The following SLC35F3 variants were observed in gnomAD, a reference collection of about 807,000 sequenced individuals.
The protein encoded by SLC35F3 is solute carrier family 35 member F3, also known as putative thiamine transporter SLC35F3.
A neutral mutation model predicts 49.9 loss-of-function variants in SLC35F3; 25 were observed. That is an observed-to-expected ratio of 0.50 (90% CI 0.37 to 0.70). SLC35F3 has a LOEUF of 0.70. Among genes scored for constraint, SLC35F3 ranks in the 30% least tolerant of loss-of-function variants. The pLI is 0.00. For missense variants in SLC35F3, 525 were observed against 639.8 expected, an observed-to-expected ratio of 0.82 and a Z score of 1.94; for synonymous variants, 275 against 265.4, an observed-to-expected ratio of 1.04 and a Z score of -0.35.
chr1:233,910,667 T>A (rs1228727518), intron 2 of SLC35F3, among the ~76,000 whole-genome samples: 1 of 152,206 alleles, frequency 6.6e-6, no homozygotes, highest in Non-Finnish European at 1.5e-5. Context: ...AACTCTTAAA[T>A]CCTTTTCTGG....
chr1:234,123,289 C>A (rs755663215), intron 2 of SLC35F3, among the ~76,000 whole-genome samples: 5 of 152,068 alleles, frequency 3.3e-5, no homozygotes, highest in Admixed American at 2.0e-4. Flanking sequence ...CTGTTAATAT[C>A]CTTTGCCCAC....
In SLC35F3 at chr1:234,323,417, A is replaced by C. The variant is rs774085791; in HGVS notation, c.*174A>C. The C allele has an allele frequency of 1.5e-5, 9 of 605,128 alleles. No homozygotes were observed. The highest frequency in any genetic ancestry group is 2.6e-5 in the Non-Finnish European group (9 of 341,004). 37.5% of individuals were successfully genotyped at this position (605,128 alleles called of 1,614,324 possible). ...CTTTTCCACATCAGACCTTCCACTT[A>C]AGGGTACCAATTCAATACAAAAGAG... On this transcript the variant is annotated 3_prime_UTR_variant, in exon 8 of 8. Coordinates refer to ENST00000366618, the MANE Select transcript of SLC35F3 (RefSeq NM_173508.4). This position sits in a 1 kb window ranked among gnomAD's most constrained non-coding sequence, Gnocchi z 4.5.
At chr1:234,234,510 G>A (rs947592992) in intron 3 of SLC35F3, among the ~76,000 whole-genome samples, 2 of 152,088 alleles carry the variant, frequency 1.3e-5, no homozygotes, top group African/African-American at 4.8e-5. Flanking sequence ...GCTTTTCTAG[G>A]GAACTTCCAG....
intron 1 of SLC35F3, 58 bp downstream of exon 1, chr1:233,905,188 G>T (rs1408367510): frequency 6.5e-7 from 1 of 1,536,450 alleles, no homozygotes. Flanking sequence ...CGGAGCGCCG[G>T]GGTAGCCCTT....
chr1:234,018,465 G>T (rs925834925), intron 2 of SLC35F3, among the ~76,000 whole-genome samples: 6 of 152,088 alleles, frequency 3.9e-5, no homozygotes, highest in Admixed American at 2.6e-4. Context: ...CCTTCTATAT[G>T]TTCTCCTGCT....
Position 234,231,821 on chromosome 1 carries a change from GGC to G in SLC35F3, c.608+81_608+82del. On this transcript the variant is annotated intron_variant, in intron 3 of 7. Transcript: ENST00000366618. This position sits in a 1 kb window ranked among gnomAD's most constrained non-coding sequence, Gnocchi z 5.4. The stretch of plus-strand genomic sequence containing the variant: ...CTGACTCTGCAGAGCTGCCCCTGGT[GGC>G]AGGCGCTGGGATGAGCCGGTGGGAG... 7.3e-7 allele frequency: 1 copy of G among 1,378,044 alleles called. No homozygotes were observed. The highest frequency in any genetic ancestry group is 1.0e-6 in the Non-Finnish European group (1 of 999,486). 85.4% of individuals were successfully genotyped at this position (1,378,044 alleles called of 1,614,324 possible). A position where few individuals can be genotyped will look rare whatever the true frequency, so the allele number is the denominator to read the frequency against.
At chr1:233,976,445 C>T (rs1208054169) in intron 2 of SLC35F3, among the ~76,000 whole-genome samples, 2 of 152,156 alleles carry the variant, frequency 1.3e-5, no homozygotes, top group African/African-American at 4.8e-5. Flanking sequence ...AGTCAGCGTT[C>T]TGCTGTATTT....
chr1:233,992,556 G>T (rs1233680720), intron 2 of SLC35F3, among the ~76,000 whole-genome samples: 2 of 152,144 alleles, frequency 1.3e-5, no homozygotes, highest in East Asian at 3.9e-4. Context: ...GCAAAAGAGA[G>T]AACTCACTCA....
intron 2 of SLC35F3, among the ~76,000 whole-genome samples, chr1:234,154,544 C>T (rs1488613193): frequency 6.6e-6 from 1 of 152,150 alleles, no homozygotes; most frequent in Non-Finnish European, 1.5e-5. Context: ...CCTGGGATCT[C>T]TTATAATACC....
At chr1:234,230,569 G>C (rs574778528) in intron 2 of SLC35F3, among the ~76,000 whole-genome samples, 5 of 152,314 alleles carry the variant, frequency 3.3e-5, no homozygotes, top group African/African-American at 1.2e-4. Flanking sequence ...TGACTGACAC[G>C]CACACAATCA....
rs564889114 is a variant in SLC35F3, at chr1:233,985,722, A to G, written c.283+79964A>G. On this transcript the variant is annotated intron_variant, in intron 2 of 7. Coordinates refer to ENST00000366618, the MANE Select transcript of SLC35F3 (RefSeq NM_173508.4). Reference sequence around the variant, plus strand: ...CTTTATTGGAACGTTTTAAATGACCATGTTGGATAATTCTCTAAGCTAAAA... The same window carrying G: ...CTTTATTGGAACGTTTTAAATGACCGTGTTGGATAATTCTCTAAGCTAAAA... Among the ~76,000 whole-genome samples, 13 of 152,372 alleles carry G rather than the reference A, an allele frequency of 8.5e-5. No individual in the cohort carries two copies. In the East Asian group the frequency reaches 2.5e-3, roughly 29 times the overall value.
At chr1:233,939,651 C>T (rs139467600) in intron 2 of SLC35F3, among the ~76,000 whole-genome samples, 5 of 152,228 alleles carry the variant, frequency 3.3e-5, no homozygotes, top group East Asian at 3.9e-4. Context: ...TGAGAAGAGT[C>T]GTTGCTATAG....
At chr1:234,173,965 AC>A (rs976583460) in intron 2 of SLC35F3, among the ~76,000 whole-genome samples, 4 of 152,090 alleles carry the variant, frequency 2.6e-5, no homozygotes, top group African/African-American at 9.7e-5. Context: ...GCCCCACAGG[AC>A]CCCTGTGTAC....
At chr1:233,961,248 C>T (rs1662796182) in intron 2 of SLC35F3, among the ~76,000 whole-genome samples, 1 of 152,072 alleles carries the variant, frequency 6.6e-6, no homozygotes, top group African/African-American at 2.4e-5. Context: ...CCTGTGAAGG[C>T]ACTCTCTGTG....
chr1:233,912,502 C>A (rs7545718), intron 2 of SLC35F3, among the ~76,000 whole-genome samples: 58,138 of 151,846 alleles, frequency 0.38, 11,598 homozygotes, highest in East Asian at 0.53. Context: ...AAGAAACAAA[C>A]AAACAAAAAA....
chr1:234,157,638 T>G lies in SLC35F3; in HGVS notation c.284-73779T>G, dbSNP rs527365858. On this transcript the variant is annotated intron_variant, in intron 2 of 7. Coordinates refer to ENST00000366618, the MANE Select transcript of SLC35F3 (RefSeq NM_173508.4). ...GTCTTCACACGGCACTTGAGCAAGG[T>G]GGCGGGGCCCATTTCCTTTGCACAT... Among the ~76,000 whole-genome samples the G allele has an allele frequency of 2.0e-5, 3 of 152,324 alleles. No homozygotes were observed. In the East Asian group the frequency reaches 5.8e-4, roughly 29 times the overall value.
At chr1:234,220,154 G>C (rs530554016) in intron 2 of SLC35F3, among the ~76,000 whole-genome samples, 1 of 149,974 alleles carries the variant, frequency 6.7e-6, no homozygotes, top group South Asian at 2.1e-4. Flanking sequence ...CAGCAGTGGT[G>C]TTCAAACTGG....
chr1:233,933,048 A>G (rs986998131), intron 2 of SLC35F3, among the ~76,000 whole-genome samples: 1 of 151,480 alleles, frequency 6.6e-6, no homozygotes, highest in Non-Finnish European at 1.5e-5. Flanking sequence ...AAAAAAAAAA[A>G]AAAAAACTAT....
At chr1:234,144,567 A>G (rs1310060275) in intron 2 of SLC35F3, among the ~76,000 whole-genome samples, 1 of 152,156 alleles carries the variant, frequency 6.6e-6, no homozygotes. Flanking sequence ...TCAGACATAT[A>G]TTTTTATTTA....
Sources: gnomAD v4.1 joint callset for allele counts (sites outside exome capture counted in the v4.1 genomes callset) on GRCh38, gnomAD v4.1.1 for gene constraint, Gnocchi (gnomAD v3.1) non-coding constraint, MANE v1.5 for transcripts, NCBI Gene and HGNC (gene_info 2026-07-23, HGNC 2026-07-21) for gene names.